The following PALLD variants were observed in gnomAD, a reference collection of about 807,000 sequenced individuals.
PALLD encodes palladin.
In PALLD, 61 loss-of-function variants were observed where a neutral mutation model predicts 123.5. The ratio of observed to expected loss-of-function variants is 0.49; its 90% CI spans 0.40 to 0.61. The LOEUF (loss-of-function observed/expected upper bound fraction) is 0.61. PALLD is among the 20% of genes least tolerant of loss of function. The pLI is 0.00. For missense variants in PALLD, 1,273 were observed against 1,377.0 expected (o/e 0.92, Z 1.20); for synonymous variants, 465 against 496.4 (o/e 0.94, Z 0.84).
chr4:168,540,198 G>A (rs1393105411), intron 2 of PALLD, among the ~76,000 whole-genome samples: 1 of 152,196 alleles, frequency 6.6e-6, no homozygotes, highest in Non-Finnish European at 1.5e-5. Context: ...TTTCCATGAA[G>A]GCTTTCCACA....
At chr4:168,644,973 C>T (rs542285466) in intron 2 of PALLD, among the ~76,000 whole-genome samples, 2 of 151,868 alleles carry the variant, frequency 1.3e-5, no homozygotes, top group South Asian at 2.1e-4. Context: ...TGGTGGTGGG[C>T]GCCTGTAATC....
At chr4:168,914,221 T>C in intron 16 of PALLD, 200 bp downstream of exon 16, 4 of 598,052 alleles carry the variant, frequency 6.7e-6, no homozygotes, top group Non-Finnish European at 8.9e-6. Flanking sequence ...CATTCGCTAA[T>C]GTGTGCTAAG....
At position 168,647,258 on chromosome 4, in the gene PALLD, G is replaced by C. The variant is rs1374542858; in HGVS notation, c.909-20932G>C. ...GCATTTAAGATTTTTGAAGGGTCTA[G>C]TTAGGATCTAGTAAGTTCTTCAGAA... On this transcript the variant is annotated intron_variant, in intron 2 of 21. Transcript: ENST00000505667. Among the ~76,000 whole-genome samples the C allele has an allele frequency of 7.2e-5, 11 of 152,252 alleles. No individual in the cohort carries two copies. In the East Asian group the frequency reaches 1.7e-3, roughly 24 times the overall value.
intron 6 of PALLD, 104 bp from the exon 7 acceptor site, chr4:168,690,499 T>C (rs1718723893): frequency 4.3e-6 from 6 of 1,390,172 alleles, no homozygotes; most frequent in South Asian, 1.2e-5. Flanking sequence ...TTTGTGTTTG[T>C]ATCTGTTTTG....
At chr4:168,658,887 T>C (rs896026474) in intron 2 of PALLD, among the ~76,000 whole-genome samples, 21 of 152,220 alleles carry the variant, frequency 1.4e-4, no homozygotes, top group African/African-American at 5.1e-4. Context: ...GGCCATAAGG[T>C]TAAAGTACAT....
chr4:168,870,162 GTTA>G (rs1295399599), intron 10 of PALLD, among the ~76,000 whole-genome samples: 1 of 152,158 alleles, frequency 6.6e-6, no homozygotes, highest in Non-Finnish European at 1.5e-5. Context: ...AGGGGAAAGG[GTTA>G]TTAACAGAAC....
chr4:168,898,833 T>G (rs554916596), intron 14 of PALLD, 119 bp downstream of exon 14: 4 of 750,990 alleles, frequency 5.3e-6, no homozygotes, highest in Non-Finnish European at 9.4e-6. Flanking sequence ...ACCCACGATA[T>G]AAAGGGTTTT....
chr4:168,715,413 CATT>C (rs998152909), intron 10 of PALLD, among the ~76,000 whole-genome samples: 5 of 152,190 alleles, frequency 3.3e-5, no homozygotes, highest in Non-Finnish European at 7.3e-5. Flanking sequence ...AAATTAATAG[CATT>C]ATTTCTGCAA....
At chr4:168,910,254 A>C (rs1207286934) in intron 15 of PALLD, among the ~76,000 whole-genome samples, 1 of 146,282 alleles carries the variant, frequency 6.8e-6, no homozygotes, top group African/African-American at 2.6e-5. Context: ...GAGGGGAGGA[A>C]GAGGCAGGCT....
intron 10 of PALLD, among the ~76,000 whole-genome samples, chr4:168,761,050 TG>T (rs1208071520): frequency 6.6e-6 from 1 of 152,210 alleles, no homozygotes; most frequent in Non-Finnish European, 1.5e-5. Flanking sequence ...AGGACTGAGT[TG>T]CAAGTCAAAG....
In PALLD at chr4:168,761,645, G is replaced by GTTTTTT. The variant is rs70961555; in HGVS notation, c.1964+49748_1964+49753dup. ...CCAGCTATTTTTGTTGTTGTTGTTTGTTTTTTTTTTTTTTTTTTTTTTTTT... is the reference window on the plus strand; with the variant it reads ...CCAGCTATTTTTGTTGTTGTTGTTTGTTTTTTTTTTTTTTTTTTTTTTTTTTTTTTT... On this transcript the variant is annotated intron_variant, in intron 10 of 21. Coordinates refer to ENST00000505667, the MANE Select transcript of PALLD (RefSeq NM_001166108.2). Among the ~76,000 whole-genome samples, 702 of 86,750 alleles carry GTTTTTT rather than the reference G, an allele frequency of 8.1e-3. 31 individuals carry two copies. The highest frequency in any genetic ancestry group is 0.01 in the East Asian group (25 of 2,404). 56.9% of individuals were successfully genotyped at this position (86,750 alleles called of 152,430 possible). A position where few individuals can be genotyped will look rare whatever the true frequency, so the allele number is the denominator to read the frequency against.
intron 14 of PALLD, among the ~76,000 whole-genome samples, chr4:168,903,188 T>A (rs1449772887): frequency 6.6e-6 from 1 of 152,242 alleles, no homozygotes; most frequent in Non-Finnish European, 1.5e-5. Context: ...ATATGCTTCC[T>A]GGCCCAGAAA....
intron 2 of PALLD, among the ~76,000 whole-genome samples, chr4:168,608,223 C>A (rs1773380575): frequency 6.6e-6 from 1 of 152,180 alleles, no homozygotes; most frequent in Non-Finnish European, 1.5e-5. Context: ...GGAGCCCATT[C>A]CTGTGAGTAA....
intron 12 of PALLD, among the ~76,000 whole-genome samples, chr4:168,895,685 C>T (rs998987862): frequency 3.3e-5 from 5 of 152,118 alleles, no homozygotes; most frequent in Admixed American, 3.3e-4. Flanking sequence ...AGGGGTTGGT[C>T]TTGCTTATCT....
At chr4:168,542,043 G>T (rs116749138) in intron 2 of PALLD, among the ~76,000 whole-genome samples, 1 of 152,132 alleles carries the variant, frequency 6.6e-6, no homozygotes, top group Non-Finnish European at 1.5e-5. Context: ...GCTCAAATTC[G>T]TATGTGTATG....
At chr4:168,631,097 G>A (rs62333862) in intron 2 of PALLD, among the ~76,000 whole-genome samples, 9,215 of 152,264 alleles carry the variant, frequency 0.061, 407 homozygotes, top group Non-Finnish European at 0.088. Flanking sequence ...TTTATTCTTG[G>A]CATTCCCTTT....
At chr4:168,515,321 TC>T (rs1762890910) in intron 2 of PALLD, among the ~76,000 whole-genome samples, 1 of 152,210 alleles carries the variant, frequency 6.6e-6, no homozygotes. Flanking sequence ...ATTAAAGATT[TC>T]CTGCAATGGG....
chr4:168,888,654 T>C (rs1753702902), intron 10 of PALLD, among the ~76,000 whole-genome samples: 1 of 152,166 alleles, frequency 6.6e-6, no homozygotes, highest in African/African-American at 2.4e-5. Flanking sequence ...TACCCCCCAC[T>C]CCTCCAGTCT....
At chr4:168,891,735 G>A (rs1186052448) in intron 11 of PALLD, among the ~76,000 whole-genome samples, 1 of 151,556 alleles carries the variant, frequency 6.6e-6, no homozygotes, top group South Asian at 2.1e-4. Context: ...TAGGGTTGGG[G>A]AGGGATGGAG....
Sources: gnomAD v4.1 joint callset for allele counts (sites outside exome capture counted in the v4.1 genomes callset) on GRCh38, gnomAD v4.1.1 for gene constraint, MANE v1.5 for transcripts, NCBI Gene and HGNC (gene_info 2026-07-23, HGNC 2026-07-21) for gene names.